Variants in AFF1 observed in about 807,000 individuals in gnomAD.
AFF1 encodes ALF transcription elongation factor 1.
In AFF1, 48 loss-of-function variants were observed where a neutral mutation model predicts 121.7. The observed-to-expected ratio is 0.39, with a 90% CI of 0.31 to 0.50. AFF1 has a LOEUF of 0.50. Ranked by LOEUF, AFF1 falls within the 20% of genes least tolerant of loss-of-function variation. AFF1 has a pLI of 0.76. For synonymous variants in AFF1, 613 were observed against 563.0 expected (o/e 1.09, Z -1.26); for missense variants, 1,523 against 1,511.7 (o/e 1.01, Z -0.12).
At chr4:87,101,466 A>T (rs1035127151) in intron 8 of AFF1, among the ~76,000 whole-genome samples, 3 of 152,114 alleles carry the variant, frequency 2.0e-5, no homozygotes, top group Non-Finnish European at 4.4e-5. Context: ...GGTCCCAGCT[A>T]CTCAGGAGGC....
chr4:87,027,103 G>T (rs761233643), intron 2 of AFF1, among the ~76,000 whole-genome samples: 1 of 152,202 alleles, frequency 6.6e-6, no homozygotes, highest in Non-Finnish European at 1.5e-5. Flanking sequence ...TTTAAAGAAT[G>T]AATACTGGGG....
intron 2 of AFF1, among the ~76,000 whole-genome samples, chr4:87,017,668 C>T (rs71605702): frequency 0.06 from 9,153 of 152,172 alleles, 397 homozygotes; most frequent in Non-Finnish European, 0.088. Flanking sequence ...TAAAAGCGTT[C>T]GGGCAAAAAT....
intron 4 of AFF1, among the ~76,000 whole-genome samples, chr4:87,064,906 G>T (rs1457527049): frequency 6.6e-6 from 1 of 150,808 alleles, no homozygotes; most frequent in Non-Finnish European, 1.5e-5. Flanking sequence ...GGGTGTTGTG[G>T]CATGCACCTG....
At chr4:86,970,506 G>C (rs992722764) in intron 2 of AFF1, among the ~76,000 whole-genome samples, 1 of 152,168 alleles carries the variant, frequency 6.6e-6, no homozygotes. Context: ...TTGCATTCTA[G>C]GTATTGTTCT....
chr4:86,968,610 G>T (rs988414051), intron 2 of AFF1, among the ~76,000 whole-genome samples: 3 of 152,150 alleles, frequency 2.0e-5, no homozygotes, highest in Admixed American at 6.6e-5. Flanking sequence ...AGCAACTCTT[G>T]TAAAAATAAG....
intron 8 of AFF1, among the ~76,000 whole-genome samples, chr4:87,101,938 C>G (rs761838587): frequency 1.6e-4 from 24 of 152,090 alleles, no homozygotes; most frequent in Non-Finnish European, 3.2e-4. Flanking sequence ...TTGGGCAAGC[C>G]CAGTACTAAG....
chr4:86,944,145 A>T (rs1186311170), intron 1 of AFF1, among the ~76,000 whole-genome samples: 6 of 108,186 alleles, frequency 5.5e-5, no homozygotes, highest in Non-Finnish European at 1.3e-4. Context: ...CCCTGTAAAA[A>T]AAAAAAAAAA....
At chr4:87,048,603 C>G (rs944162010) in intron 4 of AFF1, among the ~76,000 whole-genome samples, 2 of 152,130 alleles carry the variant, frequency 1.3e-5, no homozygotes, top group African/African-American at 4.8e-5. Context: ...TTACATAATG[C>G]CAGAAGGTGA....
intron 8 of AFF1, among the ~76,000 whole-genome samples, chr4:87,104,989 CAAAAAT>C (rs546509395): frequency 6.6e-5 from 10 of 151,920 alleles, no homozygotes; most frequent in Non-Finnish European, 1.5e-4. Context: ...AATTTATTGT[CAAAAAT>C]AAAGCTCACT....
rs1222481024 is a variant in AFF1, at chr4:87,069,595, C to G, written c.1060-14525C>G. ...CTCCTCTCTCCCTCTCCTATCATCT[C>G]TCCCTCCTTTCCCTTCCCTTTCCCC... On this transcript the variant is annotated intron_variant, in intron 4 of 20. Coordinates refer to ENST00000395146, the MANE Select transcript of AFF1 (RefSeq NM_001166693.3). Among the ~76,000 whole-genome samples the G allele has an allele frequency of 1.3e-4, 19 of 150,314 alleles. 1 individual carries two copies. The highest frequency in any genetic ancestry group is 1.5e-5 in the Non-Finnish European group (1 of 67,700).
At chr4:87,119,315 A>C (rs1463129686) in intron 12 of AFF1, among the ~76,000 whole-genome samples, 2 of 152,116 alleles carry the variant, frequency 1.3e-5, no homozygotes, top group Admixed American at 6.5e-5. Context: ...ACAGTGGCTC[A>C]CACTTGTAAT....
intron 2 of AFF1, among the ~76,000 whole-genome samples, chr4:87,027,209 A>G (rs1176874583): frequency 6.6e-6 from 1 of 152,248 alleles, no homozygotes; most frequent in Non-Finnish European, 1.5e-5. Flanking sequence ...TTACTTCTAC[A>G]AATGTATGCA....
At chr4:86,956,764 A>G (rs1220791673) in intron 2 of AFF1, among the ~76,000 whole-genome samples, 1 of 152,180 alleles carries the variant, frequency 6.6e-6, no homozygotes, top group Non-Finnish European at 1.5e-5. Flanking sequence ...AGTCCTTTTT[A>G]TTGCTAAATA....
intron 2 of AFF1, among the ~76,000 whole-genome samples, chr4:87,040,850 G>A (rs976593168): frequency 1.3e-5 from 2 of 149,836 alleles, no homozygotes; most frequent in South Asian, 2.1e-4. Flanking sequence ...TGGGATTACA[G>A]GCGTGAGCCA....
intron 2 of AFF1, among the ~76,000 whole-genome samples, chr4:87,025,362 A>G (rs1728421321): frequency 6.6e-6 from 1 of 152,252 alleles, no homozygotes; most frequent in Non-Finnish European, 1.5e-5. Context: ...AGAGAGGACG[A>G]AACTAAGGCT....
intron 2 of AFF1, among the ~76,000 whole-genome samples, chr4:87,021,580 T>C (rs1406865143): frequency 6.6e-6 from 1 of 152,244 alleles, no homozygotes; most frequent in Admixed American, 6.5e-5. Context: ...TCAGTATGCC[T>C]TGGAAATAAT....
intron 2 of AFF1, among the ~76,000 whole-genome samples, chr4:86,998,098 C>CAAAAAAAAAAAAAAAAAA (rs56741955): frequency 2.2e-4 from 20 of 91,754 alleles, no homozygotes; most frequent in South Asian, 4.0e-4. Flanking sequence ...AACTCCGTCT[C>CAAAAAAAAAAAAAAAAAA]AAAAAAAAAA....
intron 4 of AFF1, among the ~76,000 whole-genome samples, chr4:87,080,715 G>A (rs747008425): frequency 3.3e-5 from 5 of 152,184 alleles, no homozygotes; most frequent in African/African-American, 7.2e-5. Context: ...CTCCCCTTTT[G>A]GAAAACCTCC....
At chr4:86,981,081 C>T (rs929688393) in intron 2 of AFF1, among the ~76,000 whole-genome samples, 4 of 151,974 alleles carry the variant, frequency 2.6e-5, no homozygotes, top group Non-Finnish European at 4.4e-5. Context: ...GGCACAATCT[C>T]GGCTCACTGC....
Sources: gnomAD v4.1 joint callset for allele counts (sites outside exome capture counted in the v4.1 genomes callset) on GRCh38, gnomAD v4.1.1 for gene constraint, MANE v1.5 for transcripts, NCBI Gene and HGNC (gene_info 2026-07-23, HGNC 2026-07-21) for gene names.